UST: variants seen among roughly 807,000 people sequenced by gnomAD.
UST encodes uronyl 2-sulfotransferase, also known as chondroitin sulfate 2-O-sulfotransferase.
In UST, 21 loss-of-function variants were observed where a neutral mutation model predicts 45.6. The observed-to-expected ratio is 0.46, with a 90% CI of 0.33 to 0.66. The LOEUF (loss-of-function observed/expected upper bound fraction) is 0.66. UST is among the 30% of genes least tolerant of loss of function. The pLI is 0.02. For synonymous variants in UST, 215 were observed against 200.6 expected (o/e 1.07, Z -0.61); for missense variants, 463 against 512.4 (o/e 0.90, Z 0.93).
intron 1 of UST, among the ~76,000 whole-genome samples, chr6:148,791,741 G>T (rs1776852378): frequency 6.6e-6 from 1 of 152,162 alleles, no homozygotes. Flanking sequence ...GTAACAATAA[G>T]GGGGACATGT....
chr6:148,991,281 T>G (rs2449385), intron 5 of UST, among the ~76,000 whole-genome samples: 48,316 of 152,008 alleles, frequency 0.32, 7,971 homozygotes, highest in African/African-American at 0.42. Context: ...AAATGTTCGT[T>G]TTTGAATGTA....
intron 1 of UST, among the ~76,000 whole-genome samples, chr6:148,875,631 C>T (rs1158491410): frequency 1.3e-5 from 2 of 152,192 alleles, no homozygotes; most frequent in East Asian, 3.8e-4. Context: ...TAGTGAAACC[C>T]CATCTCTACT....
intron 1 of UST, among the ~76,000 whole-genome samples, chr6:148,880,848 T>G (rs930057163): frequency 4.6e-5 from 7 of 151,954 alleles, no homozygotes; most frequent in Non-Finnish European, 8.8e-5. Flanking sequence ...GCTAACATGG[T>G]GAAACCCCAT....
intron 2 of UST, among the ~76,000 whole-genome samples, chr6:148,940,743 G>C (rs1164694525): frequency 6.6e-6 from 1 of 152,058 alleles, no homozygotes; most frequent in Non-Finnish European, 1.5e-5. Context: ...ATCTCATTGC[G>C]ATTTTGATTT....
At chr6:148,985,218 A>G (rs1190379628) in intron 5 of UST, among the ~76,000 whole-genome samples, 2 of 152,172 alleles carry the variant, frequency 1.3e-5, no homozygotes, top group South Asian at 2.1e-4. Context: ...GAGGGTAATC[A>G]ATCTACTAAA....
rs181585330 is a variant in UST at position 149,055,550 on chromosome 6, C to T, written c.938-18283C>T. ...TACCCGTTTCTCCTGTCCCCTCCCC[C>T]ACCTGTCTCTAATGCAGTTTCCAAA... On this transcript the variant is annotated intron_variant, in intron 7 of 7. Transcript: ENST00000367463. Among the ~76,000 whole-genome samples the T allele has an allele frequency of 2.1e-3, 317 of 152,162 alleles. 2 individuals are homozygous for T. Among genetic ancestry groups the T allele is most frequent in the Non-Finnish European group, 1.5e-3 (99 of 68,032 alleles).
At chr6:149,013,643 C>A (rs1412750338) in intron 5 of UST, among the ~76,000 whole-genome samples, 1 of 152,178 alleles carries the variant, frequency 6.6e-6, no homozygotes. Context: ...TAGCTGAGGA[C>A]ACCCAGCTAA....
At chr6:148,950,830 C>T (rs1183825282) in intron 3 of UST, among the ~76,000 whole-genome samples, 1 of 152,184 alleles carries the variant, frequency 6.6e-6, no homozygotes, top group Non-Finnish European at 1.5e-5. Context: ...TCTTAGTCCA[C>T]CTCACCCACA....
At chr6:148,821,722 A>AT (rs1402117337) in intron 1 of UST, among the ~76,000 whole-genome samples, 2 of 152,294 alleles carry the variant, frequency 1.3e-5, no homozygotes, top group African/African-American at 4.8e-5. Flanking sequence ...CCAAATGGTG[A>AT]TTTTCTACCT....
chr6:149,056,367 A>G (rs1034631838), intron 7 of UST, among the ~76,000 whole-genome samples: 1 of 152,004 alleles, frequency 6.6e-6, no homozygotes, highest in Non-Finnish European at 1.5e-5. Context: ...TTGGCCTCTC[A>G]AAGTGCTGGG....
chr6:149,043,261 C>T (rs1224868749), intron 7 of UST, among the ~76,000 whole-genome samples: 2 of 151,392 alleles, frequency 1.3e-5, no homozygotes, highest in African/African-American at 2.4e-5. Context: ...CAGGTTTGTG[C>T]CGCCATACCC....
intron 1 of UST, among the ~76,000 whole-genome samples, chr6:148,747,878 C>T (rs1274294806): frequency 1.3e-5 from 2 of 152,112 alleles, no homozygotes; most frequent in African/African-American, 4.8e-5. Context: ...CTCACCGAGG[C>T]GGGGGCGCCG....
At chr6:149,002,570 A>C (rs1028833958) in intron 5 of UST, among the ~76,000 whole-genome samples, 1 of 152,068 alleles carries the variant, frequency 6.6e-6, no homozygotes, top group Non-Finnish European at 1.5e-5. Context: ...GCAGTGGCGC[A>C]ATCTCAGCTC....
intron 1 of UST, among the ~76,000 whole-genome samples, chr6:148,876,790 T>G (rs13203102): frequency 0.042 from 6,333 of 151,862 alleles, 137 homozygotes; most frequent in Middle Eastern, 0.11. Flanking sequence ...TCTATTGGAT[T>G]CACGTGGGCA....
chr6:149,058,440 T>C lies in UST; in HGVS notation c.938-15393T>C, dbSNP rs569762877. On this transcript the variant is annotated intron_variant, in intron 7 of 7. Transcript: ENST00000367463. Reference sequence around the variant, plus strand: ...AAGAGAGGGAGAGAGAGAAGTACCCTAGGCCTGCAAATGCCACACAGACTA... The same window carrying C: ...AAGAGAGGGAGAGAGAGAAGTACCCCAGGCCTGCAAATGCCACACAGACTA... Among the ~76,000 whole-genome samples, 33 of 151,678 alleles carry C rather than the reference T, an allele frequency of 2.2e-4. 1 individual carries two copies. Among genetic ancestry groups the C allele is most frequent in the Middle Eastern group, 3.4e-3 (1 of 294 alleles).
intron 7 of UST, 110 bp downstream of exon 7, chr6:149,021,591 A>C (rs779628694): frequency 2.8e-5 from 36 of 1,302,666 alleles, no homozygotes; most frequent in Non-Finnish European, 3.6e-5. Context: ...TTCTGATGAC[A>C]AAGGGCAGTT....
At chr6:148,830,804 G>GA (rs1295939627) in intron 1 of UST, among the ~76,000 whole-genome samples, 1 of 152,146 alleles carries the variant, frequency 6.6e-6, no homozygotes, top group Non-Finnish European at 1.5e-5. Context: ...AGACAGGGGG[G>GA]AGGAGGAAAT....
chr6:149,000,855 G>C (rs899836498), intron 5 of UST, among the ~76,000 whole-genome samples: 3 of 151,992 alleles, frequency 2.0e-5, no homozygotes, highest in African/African-American at 7.2e-5. Context: ...AAGTTAAAGA[G>C]AATATTAATT....
chr6:149,041,782 C>T (rs1582972832), intron 7 of UST, among the ~76,000 whole-genome samples: 1 of 152,200 alleles, frequency 6.6e-6, no homozygotes, highest in Admixed American at 6.5e-5. Context: ...CATTCCCACA[C>T]CCTAGACCAC....
Sources: gnomAD v4.1 joint callset for allele counts (sites outside exome capture counted in the v4.1 genomes callset) on GRCh38, gnomAD v4.1.1 for gene constraint, MANE v1.5 for transcripts, NCBI Gene and HGNC (gene_info 2026-07-23, HGNC 2026-07-21) for gene names.